The following IFRD1 variants were observed in gnomAD, a reference collection of about 807,000 sequenced individuals.
The protein encoded by IFRD1 is interferon related developmental regulator 1, also known as interferon-related developmental regulator 1.
Under a neutral mutation model 52.9 loss-of-function variants are expected in IFRD1, and 35 were observed. The observed-to-expected ratio is 0.66, with a 90% CI of 0.51 to 0.88. The LOEUF is 0.88. Ranked by LOEUF, IFRD1 falls within the 40% of genes least tolerant of loss-of-function variation. The pLI, the probability that IFRD1 is intolerant of heterozygous loss-of-function variation, is 0.00. For synonymous variants in IFRD1, 184 were observed against 188.4 expected, an observed-to-expected ratio of 0.98 and a Z score of 0.19; for missense variants, 517 against 550.8, an observed-to-expected ratio of 0.94 and a Z score of 0.61.
chr7:112,435,483 C>T (rs1161872192), intron 1 of IFRD1: 2 of 152,168 alleles, frequency 1.3e-5, no homozygotes, highest in African/African-American at 4.8e-5. Flanking sequence ...CAGACTATGT[C>T]ATGAAACTGT....
intron 1 of IFRD1, among the ~76,000 whole-genome samples, chr7:112,427,857 C>T (rs1464905948): frequency 6.6e-6 from 1 of 152,154 alleles, no homozygotes; most frequent in African/African-American, 2.4e-5. Context: ...GGCTCCTATT[C>T]CCAAGGAGAT....
chr7:112,429,100 T>C (rs1031907701), intron 1 of IFRD1, among the ~76,000 whole-genome samples: 6 of 152,244 alleles, frequency 3.9e-5, no homozygotes, highest in Non-Finnish European at 7.3e-5. Context: ...TTCTTAGACC[T>C]ATCTACCAAT....
intron 1 of IFRD1, among the ~76,000 whole-genome samples, chr7:112,444,784 C>T (rs943000034): frequency 3.9e-5 from 6 of 152,212 alleles, no homozygotes; most frequent in Non-Finnish European, 7.4e-5. Flanking sequence ...AACAGTGACA[C>T]TGGGGACTAC....
chr7:112,463,982 A>G (rs1795542528), intron 8 of IFRD1, among the ~76,000 whole-genome samples: 1 of 150,772 alleles, frequency 6.6e-6, no homozygotes, highest in African/African-American at 2.4e-5. Flanking sequence ...TTGAATTTTT[A>G]TCCAAGGACA....
At position 112,468,071 on chromosome 7, in the gene IFRD1, A is replaced by T; in HGVS notation, c.997A>T (p.Arg333Ter). Residue 333 changes from arginine to a stop codon, truncating the protein, a stop_gained, in exon 9 of 12, where the codon AGA becomes TGA. Coordinates refer to ENST00000403825, the MANE Select transcript of IFRD1 (RefSeq NM_001550.4). LOFTEE classifies it high-confidence loss of function. ...TAAACACCGGGCCAAAGTGGACAAG[A>T]GAAAGCAGCGGTCAGTTTTCAGAGA... is the stretch of plus-strand genomic sequence containing the variant. ...GNKHRAKVDK[R>*]KQRSVFRDVL... 6.2e-7 allele frequency: 1 copy of T among 1,614,130 alleles called. No homozygotes were observed. The highest frequency in any genetic ancestry group is 8.5e-7 in the Non-Finnish European group (1 of 1,179,982).
Position 112,457,160 on chromosome 7 carries a change from A to G in IFRD1, c.409+122A>G, listed in dbSNP as rs568116708. 16 of 1,002,356 alleles carry G rather than the reference A, an allele frequency of 1.6e-5. No individual in the cohort carries two copies. The East Asian group carries it at 3.7e-4, about 23-fold the overall frequency. The allele number at this position is 1,002,356 out of a possible 1,614,324, so 62.1% of individuals were successfully genotyped here. ...CACTCTTAAAATTTTCTAATAGTCA[A>G]GGAGTGCACCATCTTGTTATGGCTC... is the stretch of plus-strand genomic sequence containing the variant. On this transcript the variant is annotated intron_variant, in intron 4 of 11. Transcript: ENST00000403825.
chr7:112,461,193 G>A (rs1795423675), intron 5 of IFRD1: 1 of 152,102 alleles, frequency 6.6e-6, no homozygotes, highest in African/African-American at 2.4e-5. Flanking sequence ...TGGGAAGTTT[G>A]AAGACAATTA....
chr7:112,456,975 T>C lies in IFRD1; in HGVS notation c.346T>C (p.Tyr116His). 1 of 1,613,890 alleles carries C rather than the reference T, an allele frequency of 6.2e-7. No individual in the cohort carries two copies. ...IKNALASKML[Y>H]EFILERRMTL... Reference sequence around the variant, plus strand: ...AAATGCACTGGCTTCAAAAATGCTGTATGAATTTATTCTGGAAAGGAGAAT... The same window carrying C: ...AAATGCACTGGCTTCAAAAATGCTGCATGAATTTATTCTGGAAAGGAGAAT... Residue 116 changes from tyrosine (Y) to histidine (H), a missense_variant, in exon 4 of 12, where the codon TAT becomes CAT. Coordinates refer to ENST00000403825, the MANE Select transcript of IFRD1 (RefSeq NM_001550.4).
chr7:112,434,202 T>C (rs1315968297), intron 1 of IFRD1, among the ~76,000 whole-genome samples: 1 of 152,196 alleles, frequency 6.6e-6, no homozygotes, highest in Non-Finnish European at 1.5e-5. Flanking sequence ...AGAGTCATAG[T>C]CTATTCTCAT....
At chr7:112,461,836 A>T in intron 5 of IFRD1, 30 bp from the exon 6 acceptor site, 2 of 1,150,960 alleles carry the variant, frequency 1.7e-6, no homozygotes, top group Non-Finnish European at 1.2e-6. Context: ...AAAATCATTA[A>T]TGTCTATATA....
At chr7:112,440,131 G>A (rs1288727732) in intron 1 of IFRD1, among the ~76,000 whole-genome samples, 3 of 152,156 alleles carry the variant, frequency 2.0e-5, no homozygotes, top group South Asian at 2.1e-4. Flanking sequence ...GACTACAGGC[G>A]TTCGCCACCA....
At chr7:112,462,230 A>G in intron 7 of IFRD1, 40 bp from the exon 8 acceptor site, 1 of 1,608,546 alleles carries the variant, frequency 6.2e-7, no homozygotes, top group Non-Finnish European at 8.5e-7. Context: ...AGTGGACATA[A>G]TTGGTTGTAT....
intron 1 of IFRD1, among the ~76,000 whole-genome samples, chr7:112,443,577 G>T (rs144074196): frequency 0.017 from 2,454 of 146,010 alleles, 30 homozygotes; most frequent in Non-Finnish European, 0.024. Context: ...CTCAAAAAAA[G>T]CCCCCCAAAA....
chr7:112,445,334 A>G (rs11768723), intron 1 of IFRD1, among the ~76,000 whole-genome samples: 75,003 of 151,946 alleles, frequency 0.49, 19,970 homozygotes, highest in Non-Finnish European at 0.59. Context: ...CCAGAGTGCT[A>G]GGATTACAGG....
chr7:112,452,233 C>A, intron 1 of IFRD1: 1 of 485,750 alleles, frequency 2.1e-6, no homozygotes, highest in Non-Finnish European at 2.7e-6. Context: ...GTGATCATAG[C>A]TCACTGCAAC....
intron 2 of IFRD1, 57 bp from the exon 3 acceptor site, chr7:112,455,945 A>G (rs1795281035): frequency 1.4e-6 from 2 of 1,440,656 alleles, no homozygotes; most frequent in Non-Finnish European, 2.0e-6. Flanking sequence ...AAAGTATACT[A>G]TTATTCCCTG....
intron 8 of IFRD1, among the ~76,000 whole-genome samples, chr7:112,466,140 C>A (rs1296747743): frequency 6.6e-6 from 1 of 151,598 alleles, no homozygotes; most frequent in Non-Finnish European, 1.5e-5. Context: ...CTTATTTGTC[C>A]CAGAGTGGTA....
At position 112,467,881 on chromosome 7, in the gene IFRD1, A is replaced by C. The variant is rs759322525; in HGVS notation, c.907-100A>C. On this transcript the variant is annotated intron_variant, in intron 8 of 11. Coordinates refer to ENST00000403825, the MANE Select transcript of IFRD1 (RefSeq NM_001550.4). Reference sequence around the variant, plus strand: ...ATGAAGATTTACATTGCCTTATGCAACTGGATATTTTCCAAATGTAGACTG... The same window carrying C: ...ATGAAGATTTACATTGCCTTATGCACCTGGATATTTTCCAAATGTAGACTG... 3 of 1,103,708 alleles carry C rather than the reference A, an allele frequency of 2.7e-6. No homozygotes were observed. In the African/African-American group the frequency reaches 4.7e-5, roughly 17 times the overall value. The allele number at this position is 1,103,708 out of a possible 1,614,324, so 68.4% of individuals were successfully genotyped here. A position where few individuals can be genotyped will look rare whatever the true frequency, so the allele number is the denominator to read the frequency against.
At chr7:112,426,561 A>G (rs1794431031) in intron 1 of IFRD1, among the ~76,000 whole-genome samples, 1 of 152,216 alleles carries the variant, frequency 6.6e-6, no homozygotes. Context: ...AACCAAAAAT[A>G]CAATTATAAG....
Sources: allele counts gnomAD v4.1 joint callset (sites outside exome capture counted in the v4.1 genomes callset), GRCh38; gene constraint gnomAD v4.1.1; transcripts MANE v1.5; gene names NCBI Gene and HGNC (gene_info 2026-07-23, HGNC 2026-07-21).